The following IGF1R variants were observed in gnomAD, a reference collection of about 807,000 sequenced individuals.
IGF1R encodes the protein insulin-like growth factor 1 receptor.
Under a neutral mutation model 144.6 loss-of-function variants are expected in IGF1R, and 44 were observed. The observed-to-expected ratio is 0.30, with a 90% CI of 0.24 to 0.39. The LOEUF (loss-of-function observed/expected upper bound fraction) is 0.39, where lower values mean the gene tolerates loss of function less well. IGF1R is among the 10% of genes least tolerant of loss of function. The probability of loss-of-function intolerance (pLI) is 1.00; values close to 1 mark genes in which losing one functional copy is unlikely to be tolerated. For synonymous variants in IGF1R, 795 were observed against 722.8 expected, an observed-to-expected ratio of 1.10 and a Z score of -1.60; for missense variants, 1,355 against 1,833.7, an observed-to-expected ratio of 0.74 and a Z score of 4.77.
At chr15:98,802,460 C>T (rs1475595282) in intron 2 of IGF1R, among the ~76,000 whole-genome samples, 1 of 152,164 alleles carries the variant, frequency 6.6e-6, no homozygotes, top group Non-Finnish European at 1.5e-5. Flanking sequence ...TTGAACCCTA[C>T]AGTCTTGGCC....
chr15:98,698,490 C>A (rs567427485), intron 1 of IGF1R, among the ~76,000 whole-genome samples: 3 of 152,376 alleles, frequency 2.0e-5, no homozygotes, highest in African/African-American at 4.8e-5. Flanking sequence ...CAGCCACTTT[C>A]TGCTGTCTCC....
At chr15:98,939,437 C>A in intron 18 of IGF1R, 77 bp downstream of exon 18, 1 of 1,415,104 alleles carries the variant, frequency 7.1e-7, no homozygotes, top group African/African-American at 1.4e-5. Context: ...TTAGTCTGCC[C>A]CTGGAGAGGT....
chr15:98,836,232 AC>A (rs2057098491), intron 2 of IGF1R, among the ~76,000 whole-genome samples: 1 of 151,950 alleles, frequency 6.6e-6, no homozygotes, highest in Non-Finnish European at 1.5e-5. Flanking sequence ...TTTTAGACTT[AC>A]AAAAAAGTTG....
intron 2 of IGF1R, among the ~76,000 whole-genome samples, chr15:98,844,310 A>G (rs938385035): frequency 1.3e-5 from 2 of 152,222 alleles, no homozygotes; most frequent in South Asian, 2.1e-4. Flanking sequence ...GTTTAGTTCA[A>G]TCTTTTAAAC....
chr15:98,750,887 A>C (rs1276209103), intron 2 of IGF1R, among the ~76,000 whole-genome samples: 1 of 152,126 alleles, frequency 6.6e-6, no homozygotes, highest in South Asian at 2.1e-4. Context: ...ACTCAGGCTC[A>C]GGTGATCCTC....
intron 2 of IGF1R, among the ~76,000 whole-genome samples, chr15:98,773,457 G>A (rs1379092581): frequency 6.6e-6 from 1 of 152,172 alleles, no homozygotes. Flanking sequence ...GCGTTCTCAA[G>A]AAGTATGTGC....
At chr15:98,736,056 C>A (rs967190959) in intron 2 of IGF1R, among the ~76,000 whole-genome samples, 11 of 152,194 alleles carry the variant, frequency 7.2e-5, no homozygotes, top group African/African-American at 2.4e-4. Flanking sequence ...GTTATGCATC[C>A]ATTTCATTGA....
intron 2 of IGF1R, among the ~76,000 whole-genome samples, chr15:98,736,906 C>G (rs930442873): frequency 1.3e-5 from 2 of 152,154 alleles, no homozygotes; most frequent in Non-Finnish European, 2.9e-5. Context: ...GCCACCGAGC[C>G]TGGCTGGTGG....
At chr15:98,651,036 G>C in intron 1 of IGF1R, 1 of 985,428 alleles carries the variant, frequency 1.0e-6, no homozygotes, top group Non-Finnish European at 1.2e-6. Context: ...ACGATTAAAA[G>C]TTTAAATGTC....
chr15:98,723,535 T>C (rs1389398723), intron 2 of IGF1R, among the ~76,000 whole-genome samples: 2 of 152,184 alleles, frequency 1.3e-5, no homozygotes, highest in Non-Finnish European at 2.9e-5. Context: ...TGGGAAAAGG[T>C]TGTCATTTGA....
At chr15:98,949,057 A>T (rs554040358) in intron 20 of IGF1R, among the ~76,000 whole-genome samples, 2 of 152,262 alleles carry the variant, frequency 1.3e-5, no homozygotes, top group East Asian at 3.9e-4. Flanking sequence ...AAAGAAGGCT[A>T]CAACACAACA....
intron 3 of IGF1R, among the ~76,000 whole-genome samples, chr15:98,894,474 T>G (rs1049481173): frequency 5.9e-5 from 9 of 152,224 alleles, no homozygotes; most frequent in Admixed American, 5.2e-4. Flanking sequence ...CCATGGAATA[T>G]TATTACTCAG....
chr15:98,794,159 T>C (rs1432096888), intron 2 of IGF1R, among the ~76,000 whole-genome samples: 2 of 152,182 alleles, frequency 1.3e-5, no homozygotes, highest in Non-Finnish European at 2.9e-5. Context: ...TTACAAGATG[T>C]CGCACATTGA....
At chr15:98,695,765 T>G (rs557538455) in intron 1 of IGF1R, among the ~76,000 whole-genome samples, 1 of 151,996 alleles carries the variant, frequency 6.6e-6, no homozygotes, top group African/African-American at 2.4e-5. Flanking sequence ...CACCCTGTGT[T>G]GATCTAAGTT....
At chr15:98,883,142 C>T (rs984609256) in intron 2 of IGF1R, among the ~76,000 whole-genome samples, 6 of 152,126 alleles carry the variant, frequency 3.9e-5, no homozygotes, top group Non-Finnish European at 7.3e-5. Flanking sequence ...GAAATGTTGC[C>T]GATGTGATTT....
intron 2 of IGF1R, among the ~76,000 whole-genome samples, chr15:98,766,364 T>A (rs1200189212): frequency 6.6e-6 from 1 of 152,210 alleles, no homozygotes; most frequent in Non-Finnish European, 1.5e-5. Flanking sequence ...CTTTTCTGAT[T>A]CCCACCTTTC....
At chr15:98,809,753 A>G (rs1225939319) in intron 2 of IGF1R, among the ~76,000 whole-genome samples, 1 of 152,188 alleles carries the variant, frequency 6.6e-6, no homozygotes, top group Non-Finnish European at 1.5e-5. Flanking sequence ...GTGTCTTTTC[A>G]GCCCTCAGTG....
chr15:98,758,541 C>T (rs541523848), intron 2 of IGF1R, among the ~76,000 whole-genome samples: 20 of 152,310 alleles, frequency 1.3e-4, no homozygotes, highest in Non-Finnish European at 7.4e-5. Flanking sequence ...CAGTCTCTTC[C>T]GACAACATAA....
intron 2 of IGF1R, among the ~76,000 whole-genome samples, chr15:98,826,218 A>G (rs970865642): frequency 4.6e-5 from 7 of 152,268 alleles, no homozygotes; most frequent in Non-Finnish European, 1.0e-4. Flanking sequence ...ACTAATACTT[A>G]TGTGCATACG....
Sources: allele counts gnomAD v4.1 joint callset (sites outside exome capture counted in the v4.1 genomes callset), GRCh38; gene constraint gnomAD v4.1.1; transcripts MANE v1.5; gene names NCBI Gene and HGNC (gene_info 2026-07-23, HGNC 2026-07-21).